OSBPL6: variants seen among roughly 807,000 people sequenced by gnomAD.
OSBPL6 encodes the protein oxysterol binding protein like 6, also known as oxysterol-binding protein-related protein 6.
OSBPL6 carries 49 observed loss-of-function variants against 125.8 expected under a neutral mutation model. The observed-to-expected ratio is 0.39, with a 90% confidence interval of 0.31 to 0.49. The LOEUF is 0.49. Ranked by LOEUF, OSBPL6 falls within the 20% of genes least tolerant of loss-of-function variation. The probability of loss-of-function intolerance (pLI) is 0.88; values close to 1 mark genes in which losing one functional copy is unlikely to be tolerated. For synonymous variants in OSBPL6, 394 were observed against 391.8 expected, an observed-to-expected ratio of 1.01 and a Z score of -0.07; for missense variants, 986 against 1,135.4, an observed-to-expected ratio of 0.87 and a Z score of 1.89.
At chr2:178,241,179 ATT>A (rs796613101) in intron 1 of OSBPL6, among the ~76,000 whole-genome samples, 5 of 69,710 alleles carry the variant, frequency 7.2e-5, no homozygotes, top group Non-Finnish European at 6.5e-5. Context: ...TAGCACAGAT[ATT>A]TTTTTTTTTT....
intron 19 of OSBPL6, among the ~76,000 whole-genome samples, chr2:178,386,740 C>T (rs1454514608): frequency 6.6e-6 from 1 of 152,056 alleles, no homozygotes; most frequent in Non-Finnish European, 1.5e-5. Flanking sequence ...CACACACACA[C>T]ACACACACAC....
chr2:178,235,428 A>T (rs1441402866), intron 1 of OSBPL6, among the ~76,000 whole-genome samples: 5 of 77,466 alleles, frequency 6.5e-5, no homozygotes, highest in Admixed American at 2.4e-4. Flanking sequence ...TTTTTTTGAG[A>T]CAAAGTCTCG....
At chr2:178,346,113 A>T (rs964469911) in intron 11 of OSBPL6, among the ~76,000 whole-genome samples, 17 of 152,214 alleles carry the variant, frequency 1.1e-4, no homozygotes, top group African/African-American at 3.9e-4. Flanking sequence ...ATGCAGCAAC[A>T]TCTAGCAGAT....
intron 1 of OSBPL6, among the ~76,000 whole-genome samples, chr2:178,197,591 A>G (rs1380664603): frequency 1.3e-5 from 2 of 152,214 alleles, no homozygotes; most frequent in African/African-American, 2.4e-5. Flanking sequence ...TTAATTTATA[A>G]ATTAGGTACA....
At chr2:178,368,518 G>A (rs1297386361) in intron 13 of OSBPL6, among the ~76,000 whole-genome samples, 1 of 151,946 alleles carries the variant, frequency 6.6e-6, no homozygotes, top group Non-Finnish European at 1.5e-5. Context: ...TTCTACTTTT[G>A]TCTCAGTTCT....
intron 11 of OSBPL6, among the ~76,000 whole-genome samples, chr2:178,343,604 AT>A (rs1690422826): frequency 6.6e-6 from 1 of 152,064 alleles, no homozygotes; most frequent in African/African-American, 2.4e-5. Context: ...TTCATAGTTG[AT>A]TTTTATAGGC....
At chr2:178,354,549 A>G (rs1283161390) in intron 12 of OSBPL6, among the ~76,000 whole-genome samples, 1 of 152,236 alleles carries the variant, frequency 6.6e-6, no homozygotes, top group East Asian at 1.9e-4. Context: ...TATCCTAAAT[A>G]TATATACACC....
intron 1 of OSBPL6, among the ~76,000 whole-genome samples, chr2:178,199,462 T>C (rs2089115611): frequency 6.6e-6 from 1 of 152,174 alleles, no homozygotes; most frequent in Admixed American, 6.5e-5. Flanking sequence ...ATTTTATTGC[T>C]TAGGTTTGGG....
At chr2:178,220,384 C>T (rs2090287822) in intron 1 of OSBPL6, among the ~76,000 whole-genome samples, 1 of 152,114 alleles carries the variant, frequency 6.6e-6, no homozygotes, top group African/African-American at 2.4e-5. Context: ...GTAACCTCTA[C>T]CTCCCAGGTT....
intron 2 of OSBPL6, among the ~76,000 whole-genome samples, chr2:178,300,662 T>C (rs1686194040): frequency 1.3e-5 from 2 of 152,242 alleles, no homozygotes; most frequent in African/African-American, 4.8e-5. Context: ...GGTTTCGCCA[T>C]GTTGGCCAGG....
intron 9 of OSBPL6, among the ~76,000 whole-genome samples, chr2:178,337,227 A>G (rs1437884025): frequency 6.6e-6 from 1 of 152,196 alleles, no homozygotes. Context: ...TGATCCTAAG[A>G]TGATATTGGG....
At chr2:178,342,332 G>A (rs55981329) in intron 11 of OSBPL6, among the ~76,000 whole-genome samples, 7,557 of 152,084 alleles carry the variant, frequency 0.05, 239 homozygotes, top group South Asian at 0.15. Flanking sequence ...ACTGAACTTT[G>A]TATTCAGTAT....
chr2:178,258,601 C>T (rs2091959390), intron 1 of OSBPL6, among the ~76,000 whole-genome samples: 1 of 152,118 alleles, frequency 6.6e-6, no homozygotes. Context: ...AAGAAGTTTA[C>T]CTATACTGAA....
rs1020896768 is a variant in OSBPL6, at chr2:178,400,975, T to C, written c.*5416T>C. Reference sequence around the variant, plus strand: ...GTAGCCCGGTACAAATTTTAGATTTTCCCCCAAAAATGAAAAAAAATTATT... The same window carrying C: ...GTAGCCCGGTACAAATTTTAGATTTCCCCCCAAAAATGAAAAAAAATTATT... On this transcript the variant is annotated 3_prime_UTR_variant, in exon 25 of 25. Coordinates refer to ENST00000190611, the MANE Select transcript of OSBPL6 (RefSeq NM_032523.4). The C allele has an allele frequency of 1.3e-5, 2 of 152,130 alleles. No individual in the cohort carries two copies. The highest frequency in any genetic ancestry group is 2.9e-5 in the Non-Finnish European group (2 of 68,036). 9.4% of individuals were successfully genotyped at this position (152,130 alleles called of 1,614,324 possible).
intron 15 of OSBPL6, among the ~76,000 whole-genome samples, chr2:178,374,308 T>C (rs1217938133): frequency 2.0e-5 from 3 of 152,136 alleles, no homozygotes; most frequent in Non-Finnish European, 4.4e-5. Flanking sequence ...TATTTCAGGG[T>C]AACAAAAGAG....
intron 1 of OSBPL6, among the ~76,000 whole-genome samples, chr2:178,216,153 A>G (rs759815537): frequency 6.6e-6 from 1 of 152,192 alleles, no homozygotes; most frequent in Non-Finnish European, 1.5e-5. Context: ...GCCACTTTAA[A>G]TATTACCTGA....
intron 1 of OSBPL6, among the ~76,000 whole-genome samples, chr2:178,264,469 C>T (rs1353588217): frequency 2.0e-5 from 3 of 152,130 alleles, no homozygotes; most frequent in Non-Finnish European, 4.4e-5. Context: ...CACAAGAGGA[C>T]CTCTAACATT....
intron 1 of OSBPL6, among the ~76,000 whole-genome samples, chr2:178,227,000 T>C (rs993568059): frequency 1.3e-5 from 2 of 152,114 alleles, no homozygotes; most frequent in African/African-American, 4.8e-5. Flanking sequence ...GAGATATAAA[T>C]GAAACAAAAT....
intron 13 of OSBPL6, among the ~76,000 whole-genome samples, chr2:178,365,000 AC>A (rs1692689396): frequency 6.6e-6 from 1 of 152,112 alleles, no homozygotes; most frequent in African/African-American, 2.4e-5. Flanking sequence ...AACAGGCGAA[AC>A]CCCATCTCTA....
Sources: allele counts gnomAD v4.1 joint callset (sites outside exome capture counted in the v4.1 genomes callset), GRCh38; gene constraint gnomAD v4.1.1; transcripts MANE v1.5; gene names NCBI Gene and HGNC (gene_info 2026-07-23, HGNC 2026-07-21).